Variants in VAT1L observed in about 807,000 individuals in gnomAD.
VAT1L encodes vesicle amine transport 1 like, also known as putative NADPH-dependent quinone oxidoreductase VAT1L.
In VAT1L, 34 loss-of-function variants were observed where a neutral mutation model predicts 44.1. The ratio of observed to expected loss-of-function variants is 0.77; its 90% CI spans 0.59 to 1.03. The LOEUF is 1.03. Among genes scored for constraint, VAT1L ranks in the 50% least tolerant of loss-of-function variants. VAT1L has a pLI of 0.00. For synonymous variants in VAT1L, 253 were observed against 202.2 expected, an observed-to-expected ratio of 1.25 and a Z score of -2.13; for missense variants, 615 against 538.8, an observed-to-expected ratio of 1.14 and a Z score of -1.40.
intron 8 of VAT1L, among the ~76,000 whole-genome samples, chr16:77,976,492 G>T (rs1341407610): frequency 1.3e-5 from 2 of 152,140 alleles, no homozygotes; most frequent in African/African-American, 4.8e-5. Flanking sequence ...ACAACATGGG[G>T]AGAGCTGAGA....
intron 4 of VAT1L, among the ~76,000 whole-genome samples, chr16:77,875,030 C>A (rs1008955319): frequency 6.6e-6 from 1 of 152,154 alleles, no homozygotes; most frequent in Non-Finnish European, 1.5e-5. Context: ...GTAAACCCTG[C>A]AGGTTATTAC....
At position 77,947,490 on chromosome 16, in the gene VAT1L, TCCCCATCCAGGGC is replaced by T. The variant is rs1484015828; in HGVS notation, c.1078-24357_1078-24345del. ...CAGTTGTCATTGGTCTCCCAGTTTC[TCCCCATCCAGGGC>T]CCACTGGCCAATATTACTCTCAGGG... On this transcript the variant is annotated intron_variant, in intron 7 of 8. Transcript: ENST00000302536. 3.9e-5 allele frequency among the ~76,000 whole-genome samples: 6 copies of T among 152,108 alleles called. No individual in the cohort carries two copies. The East Asian group carries it at 9.7e-4, about 24-fold the overall frequency.
At chr16:77,965,015 C>T (rs1164460633) in intron 7 of VAT1L, among the ~76,000 whole-genome samples, 2 of 151,980 alleles carry the variant, frequency 1.3e-5, no homozygotes, top group Non-Finnish European at 2.9e-5. Flanking sequence ...GCCTTGAACT[C>T]CCGACCTCAG....
Position 77,884,567 on chromosome 16 carries a change from G to A in VAT1L, c.883-41G>A, listed in dbSNP as rs767435001. The A allele has an allele frequency of 4.3e-5, 69 of 1,587,302 alleles. No individual in the cohort carries two copies. The Admixed American group carries it at 9.4e-4, about 22-fold the overall frequency. On this transcript the variant is annotated intron_variant, in intron 6 of 8. Transcript: ENST00000302536. The surrounding 1 kb of genome is among the most constrained non-coding windows in gnomAD (Gnocchi z 4.5). ...ATGCTGCCAATGTAGGCTTAACCCCGGTATTGAGTTCCTATAACCCAATAC... is the reference window on the plus strand; with the variant it reads ...ATGCTGCCAATGTAGGCTTAACCCCAGTATTGAGTTCCTATAACCCAATAC...
intron 7 of VAT1L, among the ~76,000 whole-genome samples, chr16:77,923,111 C>A (rs887293826): frequency 1.3e-5 from 2 of 152,134 alleles, no homozygotes; most frequent in Admixed American, 6.6e-5. Context: ...CCTGTGTGAC[C>A]CCCCGAACCT....
At chr16:77,824,862 CTTTTTTTTTTT>C (rs756573336) in intron 2 of VAT1L, among the ~76,000 whole-genome samples, 1 of 75,464 alleles carries the variant, frequency 1.3e-5, no homozygotes, top group Non-Finnish European at 2.4e-5. Context: ...CCCAATAATG[CTTTTTTTTTTT>C]TTTTTTTTTT....
At chr16:77,887,575 G>T (rs2017221857) in intron 7 of VAT1L, among the ~76,000 whole-genome samples, 1 of 152,202 alleles carries the variant, frequency 6.6e-6, no homozygotes, top group Non-Finnish European at 1.5e-5. Context: ...CCAACCCTCA[G>T]TGCTGGGGGA....
intron 7 of VAT1L, among the ~76,000 whole-genome samples, chr16:77,935,948 TACTC>T (rs1444495437): frequency 6.6e-6 from 1 of 152,190 alleles, no homozygotes; most frequent in African/African-American, 2.4e-5. Context: ...GCCTAATAAA[TACTC>T]ACTTCATTCT....
intron 2 of VAT1L, among the ~76,000 whole-genome samples, chr16:77,818,913 G>A (rs373931403): frequency 6.6e-5 from 10 of 152,180 alleles, no homozygotes; most frequent in African/African-American, 2.2e-4. Context: ...AGCTCTCTTG[G>A]TTTGATAGAT....
intron 7 of VAT1L, among the ~76,000 whole-genome samples, chr16:77,907,886 A>G (rs1213698371): frequency 6.6e-6 from 1 of 152,192 alleles, no homozygotes; most frequent in Non-Finnish European, 1.5e-5. Context: ...AGAGAGAATC[A>G]TAATAAAAGC....
Position 77,796,147 on chromosome 16 carries a change from C to A in VAT1L, c.233+7232C>A, listed in dbSNP as rs141025886. On this transcript the variant is annotated intron_variant, in intron 1 of 8. Transcript: ENST00000302536. ...TGGCCAGTTGCTTAGCTCTCTAAGTCTTATTTGCTTTACTTACAAAATGGA... is the reference window on the plus strand; with the variant it reads ...TGGCCAGTTGCTTAGCTCTCTAAGTATTATTTGCTTTACTTACAAAATGGA... Among the ~76,000 whole-genome samples, 877 of 152,232 alleles carry A rather than the reference C, an allele frequency of 5.8e-3. 10 individuals carry two copies. The highest frequency in any genetic ancestry group is 0.018 in the African/African-American group (752 of 41,540).
chr16:77,832,886 T>G (rs2016595785), intron 3 of VAT1L, among the ~76,000 whole-genome samples: 1 of 152,170 alleles, frequency 6.6e-6, no homozygotes, highest in Non-Finnish European at 1.5e-5. Flanking sequence ...GTGACGATCT[T>G]CAGTGGCTGA....
At chr16:77,932,762 C>T (rs935052679) in intron 7 of VAT1L, among the ~76,000 whole-genome samples, 6 of 152,182 alleles carry the variant, frequency 3.9e-5, no homozygotes, top group Admixed American at 2.6e-4. Flanking sequence ...CTCCAAGCTT[C>T]TCTTCCTCTC....
chr16:77,948,989 T>A (rs1184560638), intron 7 of VAT1L, among the ~76,000 whole-genome samples: 1 of 152,196 alleles, frequency 6.6e-6, no homozygotes, highest in African/African-American at 2.4e-5. Context: ...TTACTGAATT[T>A]ACAGCACAGC....
chr16:77,878,932 G>A (rs549795314), intron 5 of VAT1L, among the ~76,000 whole-genome samples: 39 of 152,280 alleles, frequency 2.6e-4, no homozygotes, highest in African/African-American at 9.4e-4. Flanking sequence ...GCCAAATTTT[G>A]CAAAGTAATA....
intron 7 of VAT1L, among the ~76,000 whole-genome samples, chr16:77,894,522 GA>G (rs1475315549): frequency 1.3e-5 from 2 of 152,162 alleles, no homozygotes; most frequent in Non-Finnish European, 2.9e-5. Flanking sequence ...GGGCTATTTA[GA>G]AAGCCAATTC....
intron 1 of VAT1L, among the ~76,000 whole-genome samples, chr16:77,791,626 C>G (rs550578687): frequency 6.6e-6 from 1 of 152,202 alleles, no homozygotes; most frequent in East Asian, 1.9e-4. Flanking sequence ...TTTTGTCTCC[C>G]TTGGTGGAAA....
chr16:77,860,520 T>A (rs2016904886), intron 3 of VAT1L, among the ~76,000 whole-genome samples: 1 of 152,208 alleles, frequency 6.6e-6, no homozygotes, highest in Non-Finnish European at 1.5e-5. Context: ...ATGAATATCC[T>A]ATTTGCCTAA....
chr16:77,968,183 T>G (rs2018243084), intron 7 of VAT1L, among the ~76,000 whole-genome samples: 1 of 152,176 alleles, frequency 6.6e-6, no homozygotes, highest in Admixed American at 6.5e-5. Context: ...CACAGCTTAG[T>G]TGGTCCTTTG....
Sources: allele counts gnomAD v4.1 joint callset (sites outside exome capture counted in the v4.1 genomes callset), GRCh38; gene constraint gnomAD v4.1.1; non-coding constraint Gnocchi (gnomAD v3.1); transcripts MANE v1.5; gene names NCBI Gene and HGNC (gene_info 2026-07-23, HGNC 2026-07-21).